POLE: variants seen among roughly 807,000 people sequenced by gnomAD.
The protein encoded by POLE is DNA polymerase epsilon catalytic subunit A.
Under a neutral mutation model 279.2 loss-of-function variants are expected in POLE, and 188 were observed. The ratio of observed to expected loss-of-function variants is 0.67; its 90% CI spans 0.60 to 0.76. The LOEUF (loss-of-function observed/expected upper bound fraction) is 0.76. POLE is among the 30% of genes least tolerant of loss of function. The pLI is 0.00. For missense variants in POLE, 2,703 were observed against 3,016.7 expected, an observed-to-expected ratio of 0.90 and a Z score of 2.44; for synonymous variants, 1,214 against 1,172.5, an observed-to-expected ratio of 1.04 and a Z score of -0.72.
intron 47 of POLE, 189 bp from the exon 48 acceptor site, chr12:132,625,183 C>T (rs1006147375): frequency 8.7e-6 from 6 of 685,864 alleles, no homozygotes; most frequent in South Asian, 1.5e-5. Flanking sequence ...GCCTTCCCTA[C>T]ACCCACCCTC....
chr12:132,649,256 C>T (rs2138603413), intron 31 of POLE, 50 bp downstream of exon 31: 1 of 1,579,628 alleles, frequency 6.3e-7, no homozygotes. Context: ...ACACCCCCTC[C>T]CTGGGCCATC....
Position 132,641,805 on chromosome 12 carries a change from G to T in POLE, c.5220C>A (p.Leu1740=). The change falls in exon 39 of 49, where the codon CTC becomes CTA. Residue 1740 remains leucine, a synonymous_variant. Coordinates refer to ENST00000320574, the MANE Select transcript of POLE (RefSeq NM_006231.4). The stretch of plus-strand genomic sequence containing the variant: ...CCATGTCGTTGACATGGTGAGACTG[G>T]AGAATGGTGTTGACGGCCAGGTTCT... ...DLQNLAVNTI[L]QSHHVNDMEG... 1 of 1,604,722 alleles carries T rather than the reference G, an allele frequency of 6.2e-7. No individual in the cohort carries two copies. Among genetic ancestry groups the T allele is most frequent in the Non-Finnish European group, 8.5e-7 (1 of 1,179,972 alleles).
Position 132,642,675 on chromosome 12 carries a change from T to C in POLE, c.4783A>G (p.Arg1595Gly). 6.2e-7 allele frequency: 1 copy of C among 1,613,846 alleles called. No homozygotes were observed. Among genetic ancestry groups the C allele is most frequent in the South Asian group, 1.1e-5 (1 of 91,090 alleles). Residue 1595 changes from arginine to glycine, a missense_variant, in exon 37 of 49, where the codon AGG (arginine) becomes GGG (glycine). Arg to Gly is a moderately radical substitution (Grantham distance 125). Around this residue, in one of 5 missense-constraint regions of POLE, gnomAD observed 1,551 missense variants for 1,686.1 expected, o/e 0.92. Coordinates refer to ENST00000320574, the MANE Select transcript of POLE (RefSeq NM_006231.4). ...AAGACAGGAATTTCACTGGCCAGCC[T>C]CTTCAGCTCCCAGCTGGACTGAACA... Reference protein sequence around the residue: ...IAVQSSWELKRLASEIPVLEE... With the variant: ...IAVQSSWELKGLASEIPVLEE...
At chr12:132,667,927 C>T (rs1484236019) in intron 19 of POLE, among the ~76,000 whole-genome samples, 1 of 151,974 alleles carries the variant, frequency 6.6e-6, no homozygotes, top group African/African-American at 2.4e-5. Context: ...ACAAAAAATA[C>T]AAAAAATTAG....
Position 132,673,654 on chromosome 12 carries a change from G to A in POLE, c.1280C>T (p.Ala427Val), listed in dbSNP as rs878854841. The part of the protein sequence containing the change: ...LPVGSHNLKA[A>V]AKAKLGYDPV... ...ATCATAGCCTAGCTTGGCCTTGGCGGCCGCCTTGAGATTATGACTGCCCAC... is the reference window on the plus strand; with the variant it reads ...ATCATAGCCTAGCTTGGCCTTGGCGACCGCCTTGAGATTATGACTGCCCAC... The change falls in exon 13 of 49, where the codon GCC (alanine) becomes GTC (valine). Residue 427 changes from alanine (A) to valine (V), a missense_variant. By Grantham distance (64) the Ala-to-Val change is moderately conservative. Transcript: ENST00000320574. 4.3e-6 allele frequency: 7 copies of A among 1,613,834 alleles called. No individual in the cohort carries two copies. The highest frequency in any genetic ancestry group is 1.3e-5 in the African/African-American group (1 of 74,930).
rs542430685 is a variant in POLE at position 132,642,993 on chromosome 12, G to A, written c.4555C>T (p.Arg1519Cys). 285 of 1,591,666 alleles carry A rather than the reference G, an allele frequency of 1.8e-4. 2 individuals are homozygous for A. In the South Asian group the frequency reaches 3.0e-3, roughly 17 times the overall value. The part of the protein sequence containing the change: ...RASVFVLDTV[R>C]SNQMPSLGAL... Reference sequence around the variant, plus strand: ...CCAAGGCTGGGCATCTGGTTGCTGCGCACCTAGACCAACGCAGGCCACGTC... The same window carrying A: ...CCAAGGCTGGGCATCTGGTTGCTGCACACCTAGACCAACGCAGGCCACGTC... The change falls in exon 36 of 49, where the codon CGC becomes TGC. Residue 1519 changes from arginine (R) to cysteine (C), a missense_variant. Arg to Cys is a radical substitution (Grantham distance 180, BLOSUM62 -3). Coordinates refer to ENST00000320574, the MANE Select transcript of POLE (RefSeq NM_006231.4).
chr12:132,679,374 G>T, intron 6 of POLE, 123 bp downstream of exon 6: 4 of 894,616 alleles, frequency 4.5e-6, no homozygotes, highest in Non-Finnish European at 5.1e-6. Context: ...CTACCTAATT[G>T]CTCAAGTTTT....
chr12:132,665,249 C>G (rs1013926580), intron 21 of POLE, 53 bp downstream of exon 21: 4 of 1,576,956 alleles, frequency 2.5e-6, no homozygotes, highest in Non-Finnish European at 3.5e-6. Flanking sequence ...CTGCCCTAAA[C>G]GTGGACTCAT....
intron 40 of POLE, chr12:132,638,618 C>G (rs2042080236): frequency 6.0e-6 from 1 of 167,546 alleles, no homozygotes; most frequent in Non-Finnish European, 1.3e-5. Context: ...TGGGGCCGCT[C>G]TGGTGAAGTC....
In POLE at chr12:132,643,986, A is replaced by T. The variant is rs2138562734; in HGVS notation, c.4150-9T>A. The T allele has an allele frequency of 6.2e-7, 1 of 1,610,922 alleles. No homozygotes were observed. Among genetic ancestry groups the T allele is most frequent in the South Asian group, 1.1e-5 (1 of 90,980 alleles). The stretch of plus-strand genomic sequence containing the variant: ...GGAAGGACCCGATTTACCTGGCGAG[A>T]ATACGACGATGATCTCGTCACTGGG... On this transcript the variant is annotated splice_polypyrimidine_tract_variant and intron_variant, in intron 32 of 48. Coordinates refer to ENST00000320574, the MANE Select transcript of POLE (RefSeq NM_006231.4).
chr12:132,673,483 G>GC (rs2042977570), intron 13 of POLE, 92 bp downstream of exon 13: 1 of 1,548,400 alleles, frequency 6.5e-7, no homozygotes, highest in African/African-American at 1.4e-5. Context: ...AGCAGGGGGA[G>GC]CCGGGATGTG....
Position 132,634,454 on chromosome 12 carries a change from C to G in POLE, c.5812-76G>C. ...GAGGGGTAGGATGCCACAGCGAAGG[C>G]TCCTCCAACCTGGGTCCATCTGCCC... On this transcript the variant is annotated intron_variant, in intron 42 of 48. Transcript: ENST00000320574. The surrounding 1 kb of genome is among the most constrained non-coding windows in gnomAD (Gnocchi z 4.0). 1 of 1,418,170 alleles carries G rather than the reference C, an allele frequency of 7.1e-7. No homozygotes were observed. Among genetic ancestry groups the G allele is most frequent in the Non-Finnish European group, 9.7e-7 (1 of 1,025,910 alleles). The allele number at this position is 1,418,170 out of a possible 1,614,324, so 87.8% of individuals were successfully genotyped here.
intron 38 of POLE, 37 bp downstream of exon 38, chr12:132,642,140 G>A: frequency 6.8e-7 from 1 of 1,461,986 alleles, no homozygotes; most frequent in Non-Finnish European, 9.3e-7. Context: ...AGAAACACCA[G>A]CCAGGTCTCA....
chr12:132,653,783 G>A (rs1406789432), intron 29 of POLE, among the ~76,000 whole-genome samples: 1 of 152,206 alleles, frequency 6.6e-6, no homozygotes, highest in Non-Finnish European at 1.5e-5. Context: ...GGTTAAGTAT[G>A]AGGTCTGCTG....
At chr12:132,674,189 A>G (rs538241921) in intron 12 of POLE, among the ~76,000 whole-genome samples, 1 of 112,142 alleles carries the variant, frequency 8.9e-6, no homozygotes, top group East Asian at 3.4e-4. Flanking sequence ...AAAAATAAAA[A>G]TTAAGAAAAG....
In POLE at chr12:132,623,887, G is replaced by GCC. The variant is rs904086680; in HGVS notation, c.*808_*809dup. ...ACGAGCCTCCTGGGGAGCCTGTGGG[G>GCC]CCCCCTCCCTCCTGTGAGGCTCTCG... is the stretch of plus-strand genomic sequence containing the variant. On this transcript the variant is annotated 3_prime_UTR_variant, in exon 49 of 49. Transcript: ENST00000320574. 1.0e-5 allele frequency: 2 copies of GCC among 192,862 alleles called. No homozygotes were observed. The highest frequency in any genetic ancestry group is 2.2e-5 in the Non-Finnish European group (2 of 92,494). The allele number at this position is 192,862 out of a possible 1,614,324, so 11.9% of individuals were successfully genotyped here. A position where few individuals can be genotyped will look rare whatever the true frequency, so the allele number is the denominator to read the frequency against.
Position 132,675,317 on chromosome 12 carries a change from G to C in POLE, c.1226+81C>G. On this transcript the variant is annotated intron_variant, in intron 12 of 48. Transcript: ENST00000320574. This position sits in a 1 kb window ranked among gnomAD's most constrained non-coding sequence, Gnocchi z 4.3. ...AGGCCACCCTCCTCCCATGAGATGT[G>C]GTGACAGCACAGTCTGCAAGAGGCC... 5.2e-6 allele frequency: 8 copies of C among 1,537,124 alleles called. No individual in the cohort carries two copies. Among genetic ancestry groups the C allele is most frequent in the Non-Finnish European group, 7.0e-6 (8 of 1,135,986 alleles).
At chr12:132,652,992 A>C (rs1472547295) in intron 29 of POLE, among the ~76,000 whole-genome samples, 1 of 152,242 alleles carries the variant, frequency 6.6e-6, no homozygotes, top group African/African-American at 2.4e-5. Context: ...ATGAATTAAT[A>C]TGGGGCAAAC....
In POLE at chr12:132,675,975, T is replaced by C. The variant is rs2043041793; in HGVS notation, c.1020+119A>G. The C allele has an allele frequency of 1.1e-6, 1 of 925,580 alleles. No individual in the cohort carries two copies. 57.3% of individuals were successfully genotyped at this position (925,580 alleles called of 1,614,324 possible). A position where few individuals can be genotyped will look rare whatever the true frequency, so the allele number is the denominator to read the frequency against. On this transcript the variant is annotated intron_variant, in intron 10 of 48. Transcript: ENST00000320574. The surrounding 1 kb of genome is among the most constrained non-coding windows in gnomAD (Gnocchi z 4.3). ...TCTGGCAGAAAAGACGGTCATACCCTGAGAACAAAGCTCATGGAGCTGCAA... is the reference window on the plus strand; with the variant it reads ...TCTGGCAGAAAAGACGGTCATACCCCGAGAACAAAGCTCATGGAGCTGCAA...
Sources: allele counts gnomAD v4.1 joint callset (sites outside exome capture counted in the v4.1 genomes callset), GRCh38; gene constraint gnomAD v4.1.1; regional missense constraint gnomAD v4.1.1; non-coding constraint Gnocchi (gnomAD v3.1); transcripts MANE v1.5; gene names NCBI Gene and HGNC (gene_info 2026-07-23, HGNC 2026-07-21).